ZNF764: variants seen among roughly 807,000 people sequenced by gnomAD.
The protein encoded by ZNF764 is zinc finger protein 764.
A neutral mutation model predicts 13.9 loss-of-function variants in ZNF764; 10 were observed. The ratio of observed to expected loss-of-function variants is 0.72; its 90% CI spans 0.44 to 1.22. The LOEUF (loss-of-function observed/expected upper bound fraction) is 1.22, where lower values mean the gene tolerates loss of function less well. Ranked by LOEUF, ZNF764 falls within the 50% of genes most tolerant of loss-of-function variation. The pLI is 0.00. For missense variants in ZNF764, 647 were observed against 589.7 expected (o/e 1.10, Z -1.01); for synonymous variants, 313 against 255.1 (o/e 1.23, Z -2.16).
At position 30,557,847 on chromosome 16, in the gene ZNF764, C is replaced by G; in HGVS notation, c.197-1G>C. 5 of 1,602,384 alleles carry G rather than the reference C, an allele frequency of 3.1e-6. No homozygotes were observed. Among genetic ancestry groups the G allele is most frequent in the South Asian group, 1.1e-5 (1 of 89,478 alleles). On this transcript the variant is annotated splice_acceptor_variant, in intron 1 of 2. Coordinates refer to ENST00000395091, the MANE Select transcript of ZNF764 (RefSeq NM_001172679.2). LOFTEE classifies it high-confidence loss of function. The stretch of plus-strand genomic sequence containing the variant: ...AGAGCTGGCTTGTTGCCTCCGATTC[C>G]TAGGGAAGAAGAACGCAAACCCCAC...
Position 30,557,853 on chromosome 16 carries a change from A to G in ZNF764, c.197-7T>C, listed in dbSNP as rs772304421. On this transcript the variant is annotated splice_region_variant and splice_polypyrimidine_tract_variant and intron_variant, in intron 1 of 2. Transcript: ENST00000395091. The stretch of plus-strand genomic sequence containing the variant: ...GGCTTGTTGCCTCCGATTCCTAGGG[A>G]AGAAGAACGCAAACCCCACGCTGCG... 1 of 1,598,392 alleles carries G rather than the reference A, an allele frequency of 6.3e-7. No individual in the cohort carries two copies. The highest frequency in any genetic ancestry group is 1.3e-5 in the African/African-American group (1 of 74,370).
At chr16:30,557,536 A>G (rs2051566917) in intron 2 of ZNF764, among the ~76,000 whole-genome samples, 197 bp downstream of exon 2, 1 of 152,160 alleles carries the variant, frequency 6.6e-6, no homozygotes, top group African/African-American at 2.4e-5. Context: ...AGAGGCGGGT[A>G]TGGCAGGGCC....
Position 30,555,953 on chromosome 16 carries a change from G to A in ZNF764, c.465C>T (p.His155=), listed in dbSNP as rs1379035867. 6.2e-7 allele frequency: 1 copy of A among 1,611,912 alleles called. No individual in the cohort carries two copies. Among genetic ancestry groups the A allele is most frequent in the South Asian group, 1.1e-5 (1 of 91,054 alleles). ...GGGCACAGAGGGAGGGGCGTCCCCG[G>A]TGCGGTGCCTTGGACAGCTGCTCCC... ...YGWEQLSKAP[H]RGRPSLCAHP... is the part of the protein sequence containing the mutation. The change falls in exon 3 of 3, where the codon CAC becomes CAT. Residue 155 remains histidine (H), a synonymous_variant. Coordinates refer to ENST00000395091, the MANE Select transcript of ZNF764 (RefSeq NM_001172679.2).
chr16:30,553,774 C>T lies in ZNF764; in HGVS notation c.*1420G>A, dbSNP rs1167464981. The T allele has an allele frequency of 6.6e-6, 1 of 152,208 alleles. No homozygotes were observed. The highest frequency in any genetic ancestry group is 1.5e-5 in the Non-Finnish European group (1 of 68,036). 9.4% of individuals were successfully genotyped at this position (152,208 alleles called of 1,614,324 possible). ...ATACAAGCAAAGATCTAAAATAAAA[C>T]CAACTTTTACTTCTCTCTTGCCACC... On this transcript the variant is annotated 3_prime_UTR_variant, in exon 3 of 3. Transcript: ENST00000395091.
Position 30,555,022 on chromosome 16 carries a change from G to A in ZNF764, c.*172C>T. ...GCCTTGGAGAGCCCTGGGCAGTGGG[G>A]AGCAAGGTGCTGGCAGAGGAGGCTG... On this transcript the variant is annotated 3_prime_UTR_variant, in exon 3 of 3. Coordinates refer to ENST00000395091, the MANE Select transcript of ZNF764 (RefSeq NM_001172679.2). 2 of 758,488 alleles carry A rather than the reference G, an allele frequency of 2.6e-6. No individual in the cohort carries two copies. Among genetic ancestry groups the A allele is most frequent in the East Asian group, 5.8e-5 (2 of 34,276 alleles). The allele number at this position is 758,488 out of a possible 1,614,324, so 47.0% of individuals were successfully genotyped here.
At chr16:30,557,345 C>CA (rs1445576101) in intron 2 of ZNF764, among the ~76,000 whole-genome samples, 1 of 151,966 alleles carries the variant, frequency 6.6e-6, no homozygotes, top group Non-Finnish European at 1.5e-5. Flanking sequence ...AGCACCTGTA[C>CA]AGTCTTAGCT....
At chr16:30,556,691 C>G (rs995624143) in intron 2 of ZNF764, among the ~76,000 whole-genome samples, 2 of 151,690 alleles carry the variant, frequency 1.3e-5, no homozygotes, top group African/African-American at 4.8e-5. Context: ...GAGCCAAGAC[C>G]CCCTCTATAA....
At position 30,555,486 on chromosome 16, in the gene ZNF764, T is replaced by C; in HGVS notation, c.932A>G (p.Glu311Gly). 1 of 1,549,758 alleles carries C rather than the reference T, an allele frequency of 6.5e-7. No individual in the cohort carries two copies. Among genetic ancestry groups the C allele is most frequent in the Non-Finnish European group, 8.7e-7 (1 of 1,152,420 alleles). Residue 311 changes from glutamate to glycine, a missense_variant, in exon 3 of 3, where the codon GAG becomes GGG. Coordinates refer to ENST00000395091, the MANE Select transcript of ZNF764 (RefSeq NM_001172679.2). ...GCAGTCCGGGCACGGGTAGGGCTTCTCGCCGGTGTGGGTGCGCACGTGGCG... is the reference window on the plus strand; with the variant it reads ...GCAGTCCGGGCACGGGTAGGGCTTCCCGCCGGTGTGGGTGCGCACGTGGCG... ...LRRHVRTHTG[E>G]KPYPCPDCGR...
rs562854665 is a variant in ZNF764 at position 30,557,517 on chromosome 16, T to C, written c.310+216A>G. On this transcript the variant is annotated intron_variant, in intron 2 of 2. Coordinates refer to ENST00000395091, the MANE Select transcript of ZNF764 (RefSeq NM_001172679.2). ...CCAGAGTGTAGTGACCACGCAGAGG[T>C]GAGGACTCAGAGGCGGGTATGGCAG... 1.2e-3 allele frequency among the ~76,000 whole-genome samples: 188 copies of C among 152,100 alleles called. 1 individual carries two copies. Among genetic ancestry groups the C allele is most frequent in the Non-Finnish European group, 2.0e-3 (134 of 67,966 alleles).
rs769139922 is a variant in ZNF764 at position 30,555,218 on chromosome 16, C to T, written c.1200G>A (p.Pro400=). ...GTCACCCACACTCCTGGAATATCTC[C>T]GGGTACAGCTGGAAGCCCACGGGCG... ...LDPPVGFQLY[P]EIFQECG Residue 400 remains proline, a synonymous_variant, in exon 3 of 3, where the codon CCG becomes CCA. Transcript: ENST00000395091. 15 of 1,610,510 alleles carry T rather than the reference C, an allele frequency of 9.3e-6. No homozygotes were observed. Among genetic ancestry groups the T allele is most frequent in the Admixed American group, 1.7e-5 (1 of 59,376 alleles).
At position 30,555,549 on chromosome 16, in the gene ZNF764, T is replaced by C; in HGVS notation, c.869A>G (p.Asp290Gly). Residue 290 changes from aspartate to glycine, a missense_variant, in exon 3 of 3, where the codon GAC becomes GGC. Asp to Gly is a moderately conservative substitution (Grantham distance 94, BLOSUM62 -1). Coordinates refer to ENST00000395091, the MANE Select transcript of ZNF764 (RefSeq NM_001172679.2). ...HSGETPFPCPDCGRAFAYPSD... is the reference protein window; with the variant it reads ...HSGETPFPCPGCGRAFAYPSD... ...GGGGTAGGCGAAGGCGCGGCCACAG[T>C]CCGGGCAGGGGAAGGGGGTCTCGCC... The C allele has an allele frequency of 6.5e-7, 1 of 1,532,184 alleles. No homozygotes were observed. The highest frequency in any genetic ancestry group is 1.3e-5 in the South Asian group (1 of 79,820). The allele number at this position is 1,532,184 out of a possible 1,614,324, so 94.9% of individuals were successfully genotyped here.
intron 1 of ZNF764, 32 bp from the exon 2 acceptor site, chr16:30,557,878 G>T: frequency 1.9e-6 from 3 of 1,580,954 alleles, no homozygotes; most frequent in Non-Finnish European, 2.6e-6. Context: ...CCCACGCTGC[G>T]GGGAGGCCAC....
chr16:30,558,146 G>C lies in ZNF764; in HGVS notation c.37C>G (p.Pro13Ala), dbSNP rs886195832. Residue 13 changes from proline (P) to alanine (A), a missense_variant, in exon 1 of 3, where the codon CCA (proline) becomes GCA (alanine). Coordinates refer to ENST00000395091, the MANE Select transcript of ZNF764 (RefSeq NM_001172679.2). ...CTCCACTCGGGTCCGGCCCCGTTTG[G>C]GTCCCGGGGAGGGAGCGGGGCCAGA... Reference protein sequence around the residue: ...PPLAPLPPRDPNGAGPEWREP... With the variant: ...PPLAPLPPRDANGAGPEWREP... The C allele has an allele frequency of 1.2e-6, 2 of 1,603,482 alleles. No individual in the cohort carries two copies. Among genetic ancestry groups the C allele is most frequent in the African/African-American group, 2.7e-5 (2 of 74,818 alleles).
At chr16:30,556,384 T>C (rs749707573) in intron 2 of ZNF764, among the ~76,000 whole-genome samples, 4 of 151,716 alleles carry the variant, frequency 2.6e-5, no homozygotes, top group Admixed American at 2.6e-4. Flanking sequence ...CCTGAGGATG[T>C]TCCAGGCAGC....
chr16:30,555,316 CCCCGGG>C lies in ZNF764; in HGVS notation c.1096_1101del (p.Pro366_Gly367del), dbSNP rs748995578. On this transcript the variant is annotated inframe_deletion, in exon 3 of 3. Transcript: ENST00000395091. ...GCGACCCGGCCCCTGTGGCCCCCGG[CCCCGGG>C]CCGATGAACCCACTGGTGTTTGGCC... 2.5e-6 allele frequency: 4 copies of C among 1,610,032 alleles called. No homozygotes were observed. The highest frequency in any genetic ancestry group is 3.4e-6 in the Non-Finnish European group (4 of 1,178,376).
rs374889119 is a variant in ZNF764, at chr16:30,555,473, C to G, written c.945G>C (p.Pro315=). Residue 315 remains proline, a synonymous_variant, in exon 3 of 3, where the codon CCG becomes CCC. Coordinates refer to ENST00000395091, the MANE Select transcript of ZNF764 (RefSeq NM_001172679.2). ...VRTHTGEKPY[P]CPDCGRCFRQ... ...GGAAGCAGCGCCCGCAGTCCGGGCA[C>G]GGGTAGGGCTTCTCGCCGGTGTGGG... 6 of 1,550,834 alleles carry G rather than the reference C, an allele frequency of 3.9e-6. No individual in the cohort carries two copies. The East Asian group carries it at 1.4e-4, about 35-fold the overall frequency.
intron 2 of ZNF764, among the ~76,000 whole-genome samples, 191 bp from the exon 3 acceptor site, chr16:30,556,298 CTG>C (rs1489617778): frequency 6.6e-6 from 1 of 151,832 alleles, no homozygotes; most frequent in Non-Finnish European, 1.5e-5. Flanking sequence ...CGCCTCGGGG[CTG>C]GGGAAATGTC....
rs2051548801 is a variant in ZNF764, at chr16:30,555,789, C to T, written c.629G>A (p.Gly210Asp). 6.2e-7 allele frequency: 1 copy of T among 1,610,310 alleles called. No homozygotes were observed. The highest frequency in any genetic ancestry group is 1.1e-5 in the South Asian group (1 of 90,916). The change falls in exon 3 of 3, where the codon GGC becomes GAC. Residue 210 changes from glycine to aspartate, a missense_variant. By Grantham distance (94) the Gly-to-Asp change is moderately conservative (BLOSUM62 -1). Transcript: ENST00000395091. The stretch of plus-strand genomic sequence containing the variant: ...GCTCAGGGAGGAAGCGTGGCCGAAG[C>T]CCTTGCCGCAGTCAGTGCAGTGGAA... ...KPFHCTDCGKGFGHASSLSKH... is the reference protein window; with the variant it reads ...KPFHCTDCGKDFGHASSLSKH...
Position 30,555,279 on chromosome 16 carries a change from G to A in ZNF764, c.1139C>T (p.Ser380Phe). The A allele has an allele frequency of 6.2e-7, 1 of 1,612,840 alleles. No individual in the cohort carries two copies. The highest frequency in any genetic ancestry group is 8.5e-7 in the Non-Finnish European group (1 of 1,179,594). Residue 380 changes from serine (S) to phenylalanine (F), a missense_variant, in exon 3 of 3, where the codon TCT (serine) becomes TTT (phenylalanine). Transcript: ENST00000395091. ...TCCGTGGCCAGGGGTCAGGGTCACA[G>A]ACAGACGCCCGGCGACCCGGCCCCT... is the stretch of plus-strand genomic sequence containing the variant. ...GHRGRVAGRL[S>F]VTLTPGHGDL...
Sources: allele counts gnomAD v4.1 joint callset (sites outside exome capture counted in the v4.1 genomes callset), GRCh38; gene constraint gnomAD v4.1.1; transcripts MANE v1.5; gene names NCBI Gene and HGNC (gene_info 2026-07-23, HGNC 2026-07-21).